FXYD4: variants seen among roughly 807,000 people sequenced by gnomAD.
The protein encoded by FXYD4 is FXYD domain containing ion transport regulator 4, also known as FXYD domain-containing ion transport regulator 4.
Under a neutral mutation model 18.3 loss-of-function variants are expected in FXYD4, and 14 were observed. The ratio of observed to expected loss-of-function variants is 0.77; its 90% CI spans 0.51 to 1.20. FXYD4 has a LOEUF of 1.20. FXYD4 is among the 50% of genes most tolerant of loss of function. The probability of loss-of-function intolerance (pLI) is 0.00; values close to 1 mark genes in which losing one functional copy is unlikely to be tolerated. For missense variants in FXYD4, 99 were observed against 106.1 expected (o/e 0.93, Z 0.29); for synonymous variants, 40 against 40.5 (o/e 0.99, Z 0.04).
intron 4 of FXYD4, 29 bp downstream of exon 4, chr10:43,374,531 A>T (rs200123430): frequency 3.6e-4 from 583 of 1,612,808 alleles, no homozygotes; most frequent in Non-Finnish European, 4.7e-4. Context: ...CAGCCTGCCC[A>T]CTCTGCCCAC....
At chr10:43,373,268 A>G (rs1182773313) in intron 2 of FXYD4, among the ~76,000 whole-genome samples, 1 of 152,120 alleles carries the variant, frequency 6.6e-6, no homozygotes, top group Non-Finnish European at 1.5e-5. Flanking sequence ...GGGGTTAGGA[A>G]GGCAGGCTCC....
chr10:43,375,768 G>A, intron 7 of FXYD4, 34 bp downstream of exon 7: 1 of 1,608,858 alleles, frequency 6.2e-7, no homozygotes, highest in Non-Finnish European at 8.5e-7. Flanking sequence ...TCCTCCTTCG[G>A]GGCAGAACTA....
intron 5 of FXYD4, among the ~76,000 whole-genome samples, chr10:43,375,090 G>T (rs1837853652): frequency 7.4e-6 from 1 of 134,826 alleles, no homozygotes; most frequent in Admixed American, 8.1e-5. Flanking sequence ...ACAGTGGCAT[G>T]ATCTCGGGTC....
chr10:43,374,774 C>T (rs553630646), intron 5 of FXYD4, 135 bp downstream of exon 5: 37 of 789,042 alleles, frequency 4.7e-5, no homozygotes, highest in Middle Eastern at 4.8e-4. Context: ...TCTGTGAGAG[C>T]GTCGCTCCAA....
chr10:43,374,740 T>A, intron 5 of FXYD4, 101 bp downstream of exon 5: 1 of 942,892 alleles, frequency 1.1e-6, no homozygotes, highest in Non-Finnish European at 1.8e-6. Flanking sequence ...GTAGACAAAG[T>A]GGGATGGGGG....
At chr10:43,375,047 G>A (rs1188366854) in intron 5 of FXYD4, among the ~76,000 whole-genome samples, 1 of 107,016 alleles carries the variant, frequency 9.3e-6, no homozygotes, top group African/African-American at 3.9e-5. Context: ...TTTTTTTTGA[G>A]ACAGATTCTG....
Position 43,376,015 on chromosome 10 carries a change from T to C in FXYD4, c.213-17T>C. The C allele has an allele frequency of 6.2e-7, 1 of 1,613,838 alleles. No individual in the cohort carries two copies. The highest frequency in any genetic ancestry group is 8.5e-7 in the Non-Finnish European group (1 of 1,179,706). On this transcript the variant is annotated splice_polypyrimidine_tract_variant and intron_variant, in intron 7 of 8. Transcript: ENST00000476166. ...CCAGGCTAACCTGATACTACTCTGATGTGGTCCTTTCTCTAGTCCTGTACC... is the reference window on the plus strand; with the variant it reads ...CCAGGCTAACCTGATACTACTCTGACGTGGTCCTTTCTCTAGTCCTGTACC...
intron 5 of FXYD4, 23 bp from the exon 6 acceptor site, chr10:43,375,476 C>T: frequency 6.3e-7 from 1 of 1,599,326 alleles, no homozygotes; most frequent in Non-Finnish European, 8.6e-7. Flanking sequence ...CTGGTGCAAG[C>T]TCACTCTCTG....
intron 5 of FXYD4, among the ~76,000 whole-genome samples, chr10:43,374,874 C>T (rs1295930817): frequency 1.3e-5 from 2 of 151,848 alleles, no homozygotes; most frequent in Non-Finnish European, 2.9e-5. Flanking sequence ...ATCACCCCTA[C>T]CCTCTTGCCT....
At chr10:43,375,096 G>A (rs1420977499) in intron 5 of FXYD4, among the ~76,000 whole-genome samples, 2 of 145,836 alleles carry the variant, frequency 1.4e-5, no homozygotes, top group African/African-American at 2.6e-5. Flanking sequence ...GCATGATCTC[G>A]GGTCACTGCA....
Position 43,376,129 on chromosome 10 carries a change from G to A in FXYD4, c.251-18G>A. ...GTGTAAGGACTGTGTCTGATGGCCT[G>A]CCCGCCACTCTCCGCAGGCTCTGCC... On this transcript the variant is annotated intron_variant, in intron 8 of 8. Transcript: ENST00000476166. The A allele has an allele frequency of 1.2e-6, 2 of 1,613,166 alleles. No individual in the cohort carries two copies. Among genetic ancestry groups the A allele is most frequent in the African/African-American group, 1.3e-5 (1 of 74,968 alleles).
In FXYD4 at chr10:43,375,767, G is replaced by C; in HGVS notation, c.212+33G>C. 2.5e-6 allele frequency: 4 copies of C among 1,608,134 alleles called. No individual in the cohort carries two copies. In the East Asian group the frequency reaches 6.7e-5, roughly 27 times the overall value. On this transcript the variant is annotated intron_variant, in intron 7 of 8. Transcript: ENST00000476166. ...TGACCCTATGGTGCCCTCCTCCTTCGGGGCAGAACTACGGGGGGACAGTCC... is the reference window on the plus strand; with the variant it reads ...TGACCCTATGGTGCCCTCCTCCTTCCGGGCAGAACTACGGGGGGACAGTCC...
Position 43,375,752 on chromosome 10 carries a change from G to T in FXYD4, c.212+18G>T. The T allele has an allele frequency of 1.2e-6, 2 of 1,613,514 alleles. No homozygotes were observed. Among genetic ancestry groups the T allele is most frequent in the Non-Finnish European group, 1.7e-6 (2 of 1,179,414 alleles). ...CAGCACAGGTGAGCCTGACCCTATG[G>T]TGCCCTCCTCCTTCGGGGCAGAACT... On this transcript the variant is annotated intron_variant, in intron 7 of 8. Coordinates refer to ENST00000476166, the MANE Select transcript of FXYD4 (RefSeq NM_173160.3).
At position 43,373,628 on chromosome 10, in the gene FXYD4, GC is replaced by G; in HGVS notation, c.-114del. On this transcript the variant is annotated 5_prime_UTR_variant, in exon 3 of 9. The change abolishes the stop of an existing upstream ORF in the 5' untranslated region. Coordinates refer to ENST00000476166, the MANE Select transcript of FXYD4 (RefSeq NM_173160.3). ...CTACTTTCACCATGGGGCTCTGCCT[GC>G]CCCCGCCCCTGCCTCCTCTCGCTGA... 3 of 748,498 alleles carry G rather than the reference GC, an allele frequency of 4.0e-6. No homozygotes were observed. The highest frequency in any genetic ancestry group is 1.4e-5 in the South Asian group (1 of 72,844). The allele number at this position is 748,498 out of a possible 1,614,324, so 46.4% of individuals were successfully genotyped here.
intron 5 of FXYD4, 53 bp downstream of exon 5, chr10:43,374,692 T>C: frequency 6.9e-7 from 1 of 1,444,170 alleles, no homozygotes; most frequent in African/African-American, 1.4e-5. Flanking sequence ...CTGGACCTCT[T>C]TGCTAGACAA....
chr10:43,374,920 G>A (rs1261518061), intron 5 of FXYD4, among the ~76,000 whole-genome samples: 1 of 151,206 alleles, frequency 6.6e-6, no homozygotes, highest in Non-Finnish European at 1.5e-5. Flanking sequence ...CTAGTCCCCA[G>A]CCCTCAGGCA....
Position 43,376,270 on chromosome 10 carries a change from A to T in FXYD4, c.*104A>T, listed in dbSNP as rs1020164482. 3.7e-5 allele frequency: 45 copies of T among 1,226,292 alleles called. No homozygotes were observed. Among genetic ancestry groups the T allele is most frequent in the Admixed American group, 7.2e-5 (4 of 55,918 alleles). The allele number at this position is 1,226,292 out of a possible 1,614,324, so 76.0% of individuals were successfully genotyped here. ...CAAGGAAGGACTTCTCTCCAAGGGC[A>T]GGCTGTTAGGCCCCTTTCTGATCAG... is the stretch of plus-strand genomic sequence containing the variant. On this transcript the variant is annotated 3_prime_UTR_variant, in exon 9 of 9. Coordinates refer to ENST00000476166, the MANE Select transcript of FXYD4 (RefSeq NM_173160.3).
chr10:43,373,535 G>C lies in FXYD4; in HGVS notation c.-212G>C, dbSNP rs1205557794. On this transcript the variant is annotated 5_prime_UTR_variant, in exon 3 of 9. Coordinates refer to ENST00000476166, the MANE Select transcript of FXYD4 (RefSeq NM_173160.3). ...CCCAGGCCACCACCATCTCTAGATGGGAAGACAGAAAGTAGTTACTTTCCC... is the reference window on the plus strand; with the variant it reads ...CCCAGGCCACCACCATCTCTAGATGCGAAGACAGAAAGTAGTTACTTTCCC... The C allele has an allele frequency of 1.7e-6, 1 of 589,482 alleles. No individual in the cohort carries two copies. Among genetic ancestry groups the C allele is most frequent in the Non-Finnish European group, 3.0e-6 (1 of 328,622 alleles). 36.5% of individuals were successfully genotyped at this position (589,482 alleles called of 1,614,324 possible). A position where few individuals can be genotyped will look rare whatever the true frequency, so the allele number is the denominator to read the frequency against.
Position 43,376,204 on chromosome 10 carries a change from C to T in FXYD4, c.*38C>T, listed in dbSNP as rs1477641202. The stretch of plus-strand genomic sequence containing the variant: ...CCTCCAGGGATGGCCTGAAGCCTAA[C>T]ACTGGCCCCCAGCACCTCCTCCCCT... On this transcript the variant is annotated 3_prime_UTR_variant, in exon 9 of 9. Transcript: ENST00000476166. 1 of 1,610,312 alleles carries T rather than the reference C, an allele frequency of 6.2e-7. No individual in the cohort carries two copies. The highest frequency in any genetic ancestry group is 1.3e-5 in the African/African-American group (1 of 74,824).
Sources: allele counts gnomAD v4.1 joint callset (sites outside exome capture counted in the v4.1 genomes callset), GRCh38; gene constraint gnomAD v4.1.1; transcripts MANE v1.5; gene names NCBI Gene and HGNC (gene_info 2026-07-23, HGNC 2026-07-21).